Variants in NALF1 observed in about 807,000 individuals in gnomAD.
NALF1 encodes family with sequence similarity 155 member A.
In NALF1, 3 loss-of-function variants were observed where a neutral mutation model predicts 48.4. That is an observed-to-expected ratio of 0.06 (90% confidence interval 0.03 to 0.16). The LOEUF (loss-of-function observed/expected upper bound fraction) is 0.16. Among genes scored for constraint, NALF1 ranks in the 10% least tolerant of loss-of-function variants. NALF1 has a pLI of 1.00. For synonymous variants in NALF1, 262 were observed against 245.7 expected, an observed-to-expected ratio of 1.07 and a Z score of -0.62; for missense variants, 526 against 571.5, an observed-to-expected ratio of 0.92 and a Z score of 0.81.
intron 1 of NALF1, among the ~76,000 whole-genome samples, chr13:107,505,982 T>C (rs1425190477): frequency 6.6e-6 from 1 of 152,178 alleles, no homozygotes; most frequent in Non-Finnish European, 1.5e-5. Flanking sequence ...CAATAAATAC[T>C]GATAGAACTT....
intron 1 of NALF1, among the ~76,000 whole-genome samples, chr13:107,753,510 T>A (rs921216536): frequency 7.3e-5 from 11 of 150,884 alleles, no homozygotes; most frequent in East Asian, 1.9e-4. Context: ...TTTTTTTTTT[T>A]ATCTTCAAGG....
chr13:107,337,724 A>G (rs897793750), intron 1 of NALF1, among the ~76,000 whole-genome samples: 3 of 152,208 alleles, frequency 2.0e-5, no homozygotes, highest in African/African-American at 7.2e-5. Flanking sequence ...TCCAGGGATT[A>G]GGGATCATGG....
chr13:107,828,041 T>C (rs1392921843), intron 1 of NALF1, among the ~76,000 whole-genome samples: 3 of 152,220 alleles, frequency 2.0e-5, no homozygotes, highest in South Asian at 2.1e-4. Flanking sequence ...GCTGTGCCAA[T>C]GTATACTCAC....
In NALF1 at chr13:107,652,719, A is replaced by G. The variant is rs139224429; in HGVS notation, c.915+212963T>C. 1.1e-3 allele frequency among the ~76,000 whole-genome samples: 174 copies of G among 152,312 alleles called. No individual in the cohort carries two copies. In the East Asian group the frequency reaches 0.017, roughly 15 times the overall value. On this transcript the variant is annotated intron_variant, in intron 1 of 2. Coordinates refer to ENST00000375915, the MANE Select transcript of NALF1 (RefSeq NM_001080396.3). ...CTAACTCATTAGGCATTGTTCGGAT[A>G]TAGGCATGGGCTGTTTCAACTGCAA...
intron 1 of NALF1, among the ~76,000 whole-genome samples, chr13:107,392,732 T>C (rs1382258734): frequency 1.3e-5 from 2 of 152,142 alleles, no homozygotes; most frequent in Non-Finnish European, 2.9e-5. Context: ...AGTAATACAC[T>C]GGGGTCTTTC....
chr13:107,717,896 G>A (rs1875868578), intron 1 of NALF1, among the ~76,000 whole-genome samples: 2 of 152,124 alleles, frequency 1.3e-5, no homozygotes, highest in Non-Finnish European at 2.9e-5. Context: ...TCTTCGCCAA[G>A]TAATTTTTAG....
chr13:107,537,633 A>C (rs531203336), intron 1 of NALF1, among the ~76,000 whole-genome samples: 1 of 152,200 alleles, frequency 6.6e-6, no homozygotes, highest in South Asian at 2.1e-4. Context: ...ATCCACAGAG[A>C]CCCTGAGGAT....
At chr13:107,804,993 C>T (rs1281629233) in intron 1 of NALF1, among the ~76,000 whole-genome samples, 1 of 152,126 alleles carries the variant, frequency 6.6e-6, no homozygotes, top group African/African-American at 2.4e-5. Flanking sequence ...AAGACAATAA[C>T]ATGCATCATA....
chr13:107,405,275 T>C (rs1883879174), intron 1 of NALF1, among the ~76,000 whole-genome samples: 1 of 152,016 alleles, frequency 6.6e-6, no homozygotes, highest in African/African-American at 2.4e-5. Context: ...AAGGTCCTCT[T>C]AGCTTTGTTA....
intron 1 of NALF1, among the ~76,000 whole-genome samples, chr13:107,310,916 C>T (rs2138903581): frequency 6.6e-6 from 1 of 152,236 alleles, no homozygotes; most frequent in Non-Finnish European, 1.5e-5. Context: ...CCACCTTGGC[C>T]TCCCAAAGTG....
At chr13:107,794,180 C>A (rs1878337018) in intron 1 of NALF1, among the ~76,000 whole-genome samples, 1 of 152,310 alleles carries the variant, frequency 6.6e-6, no homozygotes, top group Middle Eastern at 3.4e-3. Context: ...GCAACTTACA[C>A]CTCATTTCCT....
chr13:107,530,427 C>G (rs1396630662), intron 1 of NALF1, among the ~76,000 whole-genome samples: 1 of 152,124 alleles, frequency 6.6e-6, no homozygotes, highest in African/African-American at 2.4e-5. Flanking sequence ...AAGTGCTCAG[C>G]AAATTACTTG....
chr13:107,782,125 C>T (rs1056853432), intron 1 of NALF1, among the ~76,000 whole-genome samples: 8 of 152,206 alleles, frequency 5.3e-5, no homozygotes, highest in South Asian at 4.1e-4. Context: ...ACTGTACTGC[C>T]GCCATCTCGG....
rs879682183 is a variant in NALF1 at position 107,644,657 on chromosome 13, A to ATATATATATATG, written c.915+221024_915+221025insCATATATATATA. Among the ~76,000 whole-genome samples, 339 of 137,778 alleles carry ATATATATATATG rather than the reference A, an allele frequency of 2.5e-3. 6 individuals are homozygous for ATATATATATATG. Among genetic ancestry groups the ATATATATATATG allele is most frequent in the Middle Eastern group, 0.011 (3 of 272 alleles). The allele number at this position is 137,778 out of a possible 152,430, so 90.4% of individuals were successfully genotyped here. On this transcript the variant is annotated intron_variant, in intron 1 of 2. Transcript: ENST00000375915. The stretch of plus-strand genomic sequence containing the variant: ...TACATACATACATACATATATATAT[A>ATATATATATATG]TATATATATGCTTTCACTTAAGTTG...
At chr13:107,671,897 T>G (rs903964284) in intron 1 of NALF1, among the ~76,000 whole-genome samples, 1 of 152,152 alleles carries the variant, frequency 6.6e-6, no homozygotes, top group Non-Finnish European at 1.5e-5. Context: ...GCAAAGGTGT[T>G]TTTTACTGTA....
intron 1 of NALF1, among the ~76,000 whole-genome samples, chr13:107,401,044 T>C (rs1883797881): frequency 6.6e-6 from 1 of 152,204 alleles, no homozygotes; most frequent in South Asian, 2.1e-4. Context: ...TTTGGCTTTT[T>C]GCGTTCCAGT....
At chr13:107,583,224 T>C (rs1878362744) in intron 1 of NALF1, among the ~76,000 whole-genome samples, 1 of 151,990 alleles carries the variant, frequency 6.6e-6, no homozygotes, top group Non-Finnish European at 1.5e-5. Context: ...GTTATATAAA[T>C]ATATAATTTA....
intron 1 of NALF1, among the ~76,000 whole-genome samples, chr13:107,268,134 G>T (rs1881081120): frequency 6.6e-6 from 1 of 151,828 alleles, no homozygotes; most frequent in African/African-American, 2.4e-5. Flanking sequence ...ACACAGGCAT[G>T]CACCACCACC....
chr13:107,280,921 C>A (rs1456288175), intron 1 of NALF1, among the ~76,000 whole-genome samples: 2 of 152,078 alleles, frequency 1.3e-5, no homozygotes, highest in Admixed American at 1.3e-4. Context: ...AAGTTGTATC[C>A]CTTTGTATTA....
Sources: allele counts gnomAD v4.1 joint callset (sites outside exome capture counted in the v4.1 genomes callset), GRCh38; gene constraint gnomAD v4.1.1; transcripts MANE v1.5; gene names NCBI Gene and HGNC (gene_info 2026-07-23, HGNC 2026-07-21).